IRX2: variants seen among roughly 807,000 people sequenced by gnomAD.
IRX2 encodes iroquois homeobox 2.
Under a neutral mutation model 42.9 loss-of-function variants are expected in IRX2, and 26 were observed. The observed-to-expected ratio is 0.61, with a 90% CI of 0.44 to 0.84. The LOEUF (loss-of-function observed/expected upper bound fraction) is 0.84. IRX2 is among the 40% of genes least tolerant of loss of function. The probability of loss-of-function intolerance (pLI) is 0.00; values close to 1 mark genes in which losing one functional copy is unlikely to be tolerated. For missense variants in IRX2, 782 were observed against 713.9 expected (o/e 1.10, Z -1.09); for synonymous variants, 424 against 353.9 (o/e 1.20, Z -2.22).
downstream of IRX2, among the ~76,000 whole-genome samples, chr5:2,741,527 T>C (rs1378714942): frequency 3.3e-5 from 5 of 152,202 alleles, no homozygotes; most frequent in African/African-American, 1.2e-4. Flanking sequence ...GAGCTCTTCT[T>C]TGAATTTATT....
chr5:2,751,172 G>T lies in IRX2; in HGVS notation c.242C>A (p.Ser81Tyr). 7.9e-7 allele frequency: 1 copy of T among 1,265,588 alleles called. No homozygotes were observed. Among genetic ancestry groups the T allele is most frequent in the Non-Finnish European group, 9.9e-7 (1 of 1,007,092 alleles). 78.4% of individuals were successfully genotyped at this position (1,265,588 alleles called of 1,614,324 possible). The stretch of plus-strand genomic sequence containing the variant: ...CCGCCCGCGCCCGGTTACCATGTAG[G>T]ACGGGAAGCCGGCGGCGGCGGCGGC... ...DAAAAAAGFPSYMGAPYDAHT... is the reference protein window; with the variant it reads ...DAAAAAAGFPYYMGAPYDAHT... Residue 81 changes from serine to tyrosine, a missense_variant, in exon 1 of 4, where the codon TCC (serine) becomes TAC (tyrosine). By Grantham distance (144) the Ser-to-Tyr change is moderately radical. Around this residue, in one of 3 missense-constraint regions of IRX2, gnomAD observed 256 missense variants for 250.0 expected, o/e 1.02. Transcript: ENST00000302057. The surrounding 1 kb of genome is among the most constrained non-coding windows in gnomAD (Gnocchi z 4.0).
chr5:2,741,114 C>A (rs1175621421), downstream of IRX2, among the ~76,000 whole-genome samples: 1 of 152,244 alleles, frequency 6.6e-6, no homozygotes, highest in African/African-American at 2.4e-5. Flanking sequence ...CGAGCCGGAC[C>A]GCAACGCCGC....
intron 2 of IRX2, 151 bp from the exon 3 acceptor site, chr5:2,749,203 C>A (rs1178613540): frequency 1.4e-6 from 2 of 1,452,298 alleles, no homozygotes; most frequent in Non-Finnish European, 1.8e-6. Context: ...CCTGACCTCC[C>A]CGGGAAGGGC....
Position 2,749,176 on chromosome 5 carries a change from C to A in IRX2, c.656-124G>T, listed in dbSNP as rs1048398236. On this transcript the variant is annotated intron_variant, in intron 2 of 3. Transcript: ENST00000302057. ...GACCCCTCACCTCGCCCCCACCCGG[C>A]CACGTGACAGGCGGAGCCTGACCTC... 6 of 1,480,482 alleles carry A rather than the reference C, an allele frequency of 4.1e-6. No individual in the cohort carries two copies. The African/African-American group carries it at 7.1e-5, about 18-fold the overall frequency. 91.7% of individuals were successfully genotyped at this position (1,480,482 alleles called of 1,614,324 possible).
At chr5:2,740,457 A>G in the IRX2 span, among the ~76,000 whole-genome samples, 1 of 152,052 alleles carries the variant, frequency 6.6e-6, no homozygotes, top group South Asian at 2.1e-4. Context: ...GCAGACACTC[A>G]GCGGCAGCGC....
intron 1 of IRX2, among the ~76,000 whole-genome samples, chr5:2,750,628 C>A (rs1737914874): frequency 6.6e-6 from 1 of 152,192 alleles, no homozygotes; most frequent in Non-Finnish European, 1.5e-5. Context: ...AAGGCCGAAA[C>A]CTGGGCGCCT....
In IRX2 at chr5:2,750,702, C is replaced by A. The variant is rs370941760; in HGVS notation, c.249+463G>T. Reference sequence around the variant, plus strand: ...CTGGGCCTAACTCGGTGACCCCCACCGCCCTGAGCCCCGCGAGTGAATGCG... The same window carrying A: ...CTGGGCCTAACTCGGTGACCCCCACAGCCCTGAGCCCCGCGAGTGAATGCG... On this transcript the variant is annotated intron_variant, in intron 1 of 3. Transcript: ENST00000302057. 7.2e-5 allele frequency among the ~76,000 whole-genome samples: 11 copies of A among 152,370 alleles called. No homozygotes were observed. The East Asian group carries it at 9.7e-4, about 13-fold the overall frequency.
At position 2,750,975 on chromosome 5, in the gene IRX2, T is replaced by G. The variant is rs541482658; in HGVS notation, c.249+190A>C. 2.3e-3 allele frequency among the ~76,000 whole-genome samples: 352 copies of G among 151,670 alleles called. 1 individual carries two copies. Among genetic ancestry groups the G allele is most frequent in the African/African-American group, 8.0e-3 (330 of 41,446 alleles). ...GGCCGGGCTCAGGGACGTCCCCGCCTGCCGCGCTGCCCTCCCCACCCGGGG... is the reference window on the plus strand; with the variant it reads ...GGCCGGGCTCAGGGACGTCCCCGCCGGCCGCGCTGCCCTCCCCACCCGGGG... On this transcript the variant is annotated intron_variant, in intron 1 of 3. Transcript: ENST00000302057.
At chr5:2,735,762 G>A in the IRX2 span, among the ~76,000 whole-genome samples, 1 of 152,134 alleles carries the variant, frequency 6.6e-6, no homozygotes, top group Non-Finnish European at 1.5e-5. Flanking sequence ...ACTGAGAATT[G>A]AGCTGAATGC....
rs910054919 is a variant in IRX2, at chr5:2,751,158, C to G, written c.249+7G>C. 1.8e-4 allele frequency: 221 copies of G among 1,243,698 alleles called. No homozygotes were observed. Among genetic ancestry groups the G allele is most frequent in the Middle Eastern group, 3.2e-4 (1 of 3,152 alleles). The allele number at this position is 1,243,698 out of a possible 1,614,324, so 77.0% of individuals were successfully genotyped here. A position where few individuals can be genotyped will look rare whatever the true frequency, so the allele number is the denominator to read the frequency against. On this transcript the variant is annotated splice_region_variant and intron_variant, in intron 1 of 3. Coordinates refer to ENST00000302057, the MANE Select transcript of IRX2 (RefSeq NM_033267.5). This position sits in a 1 kb window ranked among gnomAD's most constrained non-coding sequence, Gnocchi z 4.0. ...AGGAGTCCCGCGTCCCGCCCGCGCC[C>G]GGTTACCATGTAGGACGGGAAGCCG...
chr5:2,744,080 G>A (rs1560946454), downstream of IRX2, among the ~76,000 whole-genome samples: 4 of 86,346 alleles, frequency 4.6e-5, no homozygotes, highest in Admixed American at 1.0e-4. Context: ...AGTCGTGTGT[G>A]TGTGTGTGTG....
chr5:2,740,830 G>T, the IRX2 span, among the ~76,000 whole-genome samples: 1 of 152,192 alleles, frequency 6.6e-6, no homozygotes, highest in Non-Finnish European at 1.5e-5. Context: ...AGGCGACAGC[G>T]GCGACAGTGC....
At chr5:2,744,082 G>A (rs891370013), downstream of IRX2, among the ~76,000 whole-genome samples, 4 of 130,132 alleles carry the variant, frequency 3.1e-5, no homozygotes, top group Non-Finnish European at 1.8e-5. Context: ...TCGTGTGTGT[G>A]TGTGTGTGTG....
chr5:2,749,053 C>T lies in IRX2; in HGVS notation c.656-1G>A. The T allele has an allele frequency of 1.3e-6, 2 of 1,596,056 alleles. No homozygotes were observed. The highest frequency in any genetic ancestry group is 1.7e-6 in the Non-Finnish European group (2 of 1,178,848). On this transcript the variant is annotated splice_acceptor_variant, in intron 2 of 3. Coordinates refer to ENST00000302057, the MANE Select transcript of IRX2 (RefSeq NM_033267.5). LOFTEE classifies it high-confidence loss of function. ...AGCGAGTCCACGTGCAGGCTGATCC[C>T]TGTGGGGGCGCGGGCACGGTGGGTG...
Position 2,751,349 on chromosome 5 carries a change from G to A in IRX2, c.65C>T (p.Ala22Val), listed in dbSNP as rs1187850448. 2 of 1,439,898 alleles carry A rather than the reference G, an allele frequency of 1.4e-6. No individual in the cohort carries two copies. Among genetic ancestry groups the A allele is most frequent in the Non-Finnish European group, 9.1e-7 (1 of 1,097,386 alleles). The allele number at this position is 1,439,898 out of a possible 1,614,324, so 89.2% of individuals were successfully genotyped here. A position where few individuals can be genotyped will look rare whatever the true frequency, so the allele number is the denominator to read the frequency against. ...PGSLALYSCP[A>V]YGASALAAPR... is the part of the protein sequence containing the mutation. The stretch of plus-strand genomic sequence containing the variant: ...AGCCGCCAAAGCCGACGCGCCGTAG[G>A]CCGGGCACGAGTAGAGCGCCAGCGA... Residue 22 changes from alanine to valine, a missense_variant, in exon 1 of 4, where the codon GCC (alanine) becomes GTC (valine). By Grantham distance (64) the Ala-to-Val change is moderately conservative. Around this residue, in one of 3 missense-constraint regions of IRX2, gnomAD observed 256 missense variants for 250.0 expected, o/e 1.02. Transcript: ENST00000302057. This position sits in a 1 kb window ranked among gnomAD's most constrained non-coding sequence, Gnocchi z 4.0.
Position 2,749,493 on chromosome 5 carries a change from G to A in IRX2, c.544C>T (p.Pro182Ser). The A allele has an allele frequency of 1.2e-6, 2 of 1,614,210 alleles. No individual in the cohort carries two copies. The highest frequency in any genetic ancestry group is 8.5e-7 in the Non-Finnish European group (1 of 1,180,040). Residue 182 changes from proline to serine, a missense_variant, in exon 2 of 4, where the codon CCG becomes TCG. Around this residue, in one of 3 missense-constraint regions of IRX2, gnomAD observed 520 missense variants for 437.8 expected, o/e 1.19. Transcript: ENST00000302057. ...LKKENKMTWA[P>S]RNKSEDEDED... The stretch of plus-strand genomic sequence containing the variant: ...TCCTCATCTTCGCTTTTGTTTCTCG[G>A]GGCCCAGGTCATCTTGTTCTCCTTC...
At chr5:2,749,293 C>G in intron 2 of IRX2, 89 bp downstream of exon 2, 1 of 1,502,640 alleles carries the variant, frequency 6.7e-7, no homozygotes, top group Non-Finnish European at 8.8e-7. Context: ...CCTGGGGTGT[C>G]CGGCGGGCAA....
downstream of IRX2, among the ~76,000 whole-genome samples, chr5:2,742,920 A>T (rs1365053171): frequency 1.3e-5 from 2 of 152,182 alleles, no homozygotes; most frequent in African/African-American, 2.4e-5. Flanking sequence ...CCTCCTTGAT[A>T]TGTACTTAAA....
At chr5:2,740,180 TG>T in the IRX2 span, among the ~76,000 whole-genome samples, 28 of 124,398 alleles carry the variant, frequency 2.3e-4, no homozygotes, top group African/African-American at 8.8e-4. Context: ...AGTCGTGGCG[TG>T]CGGGGGCGGG....
Sources: allele counts gnomAD v4.1 joint callset (sites outside exome capture counted in the v4.1 genomes callset), GRCh38; gene constraint gnomAD v4.1.1; regional missense constraint gnomAD v4.1.1; non-coding constraint Gnocchi (gnomAD v3.1); transcripts MANE v1.5; gene names NCBI Gene and HGNC (gene_info 2026-07-23, HGNC 2026-07-21).